The following SCAPER variants were observed in gnomAD, a reference collection of about 807,000 sequenced individuals.
SCAPER encodes the protein S-phase cyclin A associated protein in the ER, also known as S phase cyclin A-associated protein in the endoplasmic reticulum.
Under a neutral mutation model 182.2 loss-of-function variants are expected in SCAPER, and 98 were observed. The observed-to-expected ratio is 0.54, with a 90% CI of 0.46 to 0.64. The LOEUF (loss-of-function observed/expected upper bound fraction) is 0.64, where lower values mean the gene tolerates loss of function less well. Among genes scored for constraint, SCAPER ranks in the 30% least tolerant of loss-of-function variants. The probability of loss-of-function intolerance (pLI) is 0.00; values close to 1 mark genes in which losing one functional copy is unlikely to be tolerated. For missense variants in SCAPER, 1,432 were observed against 1,690.0 expected, an observed-to-expected ratio of 0.85 and a Z score of 2.68; for synonymous variants, 605 against 564.6, an observed-to-expected ratio of 1.07 and a Z score of -1.01.
chr15:76,582,121 G>A (rs1372911983), intron 22 of SCAPER, among the ~76,000 whole-genome samples: 2 of 152,242 alleles, frequency 1.3e-5, no homozygotes, highest in African/African-American at 2.4e-5. Flanking sequence ...AATTGGACAA[G>A]AGAAAGAAAT....
intron 23 of SCAPER, among the ~76,000 whole-genome samples, chr15:76,518,435 G>A (rs1259171574): frequency 6.6e-6 from 1 of 152,160 alleles, no homozygotes; most frequent in Middle Eastern, 3.2e-3. Context: ...TGAGGCACAA[G>A]GAAAGTCAAG....
intron 3 of SCAPER, among the ~76,000 whole-genome samples, chr15:76,859,339 T>A (rs2071680899): frequency 6.6e-6 from 1 of 152,164 alleles, no homozygotes; most frequent in Non-Finnish European, 1.5e-5. Context: ...CAGAGCCACA[T>A]CCTTTAATTA....
At chr15:76,777,732 T>C (rs1053478956) in intron 8 of SCAPER, among the ~76,000 whole-genome samples, 8 of 152,096 alleles carry the variant, frequency 5.3e-5, no homozygotes, top group African/African-American at 1.7e-4. Context: ...CAAAGAAGGT[T>C]TGAAATTTCA....
intron 23 of SCAPER, among the ~76,000 whole-genome samples, chr15:76,512,863 CAGAA>C (rs1567316682): frequency 7.2e-5 from 4 of 55,634 alleles, no homozygotes; most frequent in Non-Finnish European, 1.0e-4. Flanking sequence ...GCAGCTTTTC[CAGAA>C]AAAAAAAAAA....
chr15:76,868,456 G>T (rs1409241291), intron 2 of SCAPER, among the ~76,000 whole-genome samples: 1 of 151,530 alleles, frequency 6.6e-6, no homozygotes, highest in East Asian at 1.9e-4. Context: ...AACAAATTCA[G>T]TAAAGTTACA....
chr15:76,531,820 G>A (rs1158406558), intron 23 of SCAPER, among the ~76,000 whole-genome samples: 1 of 152,146 alleles, frequency 6.6e-6, no homozygotes, highest in Non-Finnish European at 1.5e-5. Context: ...CCAGTCTTCA[G>A]TAAAGTCAAT....
intron 5 of SCAPER, among the ~76,000 whole-genome samples, chr15:76,812,224 G>A (rs1204047600): frequency 2.0e-5 from 3 of 151,970 alleles, no homozygotes; most frequent in African/African-American, 4.8e-5. Flanking sequence ...TGAGGTGGGC[G>A]AATCATTTGA....
intron 20 of SCAPER, among the ~76,000 whole-genome samples, chr15:76,668,966 TTTA>T (rs2056820455): frequency 6.6e-6 from 1 of 152,172 alleles, no homozygotes; most frequent in Non-Finnish European, 1.5e-5. Context: ...GGTATATATT[TTTA>T]TTATCCTCAT....
intron 22 of SCAPER, among the ~76,000 whole-genome samples, chr15:76,585,922 G>A (rs1179972189): frequency 6.6e-6 from 1 of 152,164 alleles, no homozygotes; most frequent in African/African-American, 2.4e-5. Context: ...ACAACAGAAA[G>A]TTTTATTTGG....
At chr15:76,675,177 CAA>C (rs1402804538) in intron 20 of SCAPER, among the ~76,000 whole-genome samples, 2 of 152,110 alleles carry the variant, frequency 1.3e-5, no homozygotes, top group Non-Finnish European at 2.9e-5. Flanking sequence ...TAATAGTTTA[CAA>C]AAGAGTCATT....
chr15:76,882,147 C>T (rs544911755), intron 2 of SCAPER, among the ~76,000 whole-genome samples: 1 of 152,232 alleles, frequency 6.6e-6, no homozygotes, highest in South Asian at 2.1e-4. Flanking sequence ...GTAATCCCAG[C>T]CCTGTGGAAG....
At position 76,548,481 on chromosome 15, in the gene SCAPER, A is replaced by G. The variant is rs530126980; in HGVS notation, c.2838+25677T>C. On this transcript the variant is annotated intron_variant, in intron 23 of 31. Transcript: ENST00000563290. Reference sequence around the variant, plus strand: ...AAATAGAATGATGTTTTGTTTCCCAAGTTGATATAGTAGAGCAACGTGAAA... The same window carrying G: ...AAATAGAATGATGTTTTGTTTCCCAGGTTGATATAGTAGAGCAACGTGAAA... Among the ~76,000 whole-genome samples the G allele has an allele frequency of 3.5e-4, 54 of 152,336 alleles. 1 individual carries two copies. The South Asian group carries it at 0.011, about 30-fold the overall frequency.
Position 76,428,102 on chromosome 15 carries a change from A to G in SCAPER, c.3311+5976T>C, listed in dbSNP as rs498607. Among the ~76,000 whole-genome samples the G allele has an allele frequency of 6.6e-5, 10 of 152,282 alleles. No individual in the cohort carries two copies. The South Asian group carries it at 2.1e-3, about 32-fold the overall frequency. ...GCAACAGTGTCTCAAAAAACAAAAC[A>G]AAACAAAACAAAACAGATAAAACAA... On this transcript the variant is annotated intron_variant, in intron 26 of 31. Coordinates refer to ENST00000563290, the MANE Select transcript of SCAPER (RefSeq NM_020843.4).
At chr15:76,661,476 T>C (rs1025541314) in intron 21 of SCAPER, among the ~76,000 whole-genome samples, 5 of 151,970 alleles carry the variant, frequency 3.3e-5, no homozygotes, top group African/African-American at 1.2e-4. Flanking sequence ...CTTAAACAAA[T>C]TTACAAGAAA....
chr15:76,684,106 C>A (rs1227515013), intron 20 of SCAPER, among the ~76,000 whole-genome samples: 3 of 151,972 alleles, frequency 2.0e-5, no homozygotes, highest in Non-Finnish European at 4.4e-5. Context: ...CCAGCCTCCA[C>A]AAAAACACAC....
In SCAPER at chr15:76,434,186, C is replaced by T. The variant is rs754045128; in HGVS notation, c.3203G>A (p.Arg1068Gln). The change falls in exon 26 of 32, where the codon CGA (arginine) becomes CAA (glutamine). Residue 1068 changes from arginine to glutamine, a missense_variant. By Grantham distance (43) the Arg-to-Gln change is conservative (BLOSUM62 1). This residue lies in a region of SCAPER where 718 missense variants were observed against 799.7 expected (regional missense o/e 0.90). Coordinates refer to ENST00000563290, the MANE Select transcript of SCAPER (RefSeq NM_020843.4). ...AGCTGGCTGGCAGTTTCCATCTGGTCGATTGGCAATCAGGCAGCCCAAAAC... is the reference window on the plus strand; with the variant it reads ...AGCTGGCTGGCAGTTTCCATCTGGTTGATTGGCAATCAGGCAGCCCAAAAC... Reference protein sequence around the residue: ...AVVLGCLIANRPDGNCQPATP... With the variant: ...AVVLGCLIANQPDGNCQPATP... The T allele has an allele frequency of 2.0e-5, 32 of 1,613,640 alleles. No individual in the cohort carries two copies. The highest frequency in any genetic ancestry group is 8.0e-5 in the African/African-American group (6 of 74,822).
intron 24 of SCAPER, among the ~76,000 whole-genome samples, chr15:76,499,915 C>T (rs1038147841): frequency 2.6e-5 from 4 of 152,130 alleles, no homozygotes; most frequent in Admixed American, 2.6e-4. Context: ...GTGACAAAGA[C>T]TTAGGGATTT....
At chr15:76,454,037 T>C (rs1328170053) in intron 25 of SCAPER, among the ~76,000 whole-genome samples, 5 of 151,068 alleles carry the variant, frequency 3.3e-5, no homozygotes, top group Admixed American at 3.3e-4. Flanking sequence ...GCTAAGGCTA[T>C]GTCCTATTAT....
intron 5 of SCAPER, among the ~76,000 whole-genome samples, chr15:76,831,079 G>C (rs2151712138): frequency 6.6e-6 from 1 of 152,292 alleles, no homozygotes. Context: ...GGAGTTGGCA[G>C]AGAAAGAACT....
Sources: allele counts gnomAD v4.1 joint callset (sites outside exome capture counted in the v4.1 genomes callset), GRCh38; gene constraint gnomAD v4.1.1; regional missense constraint gnomAD v4.1.1; transcripts MANE v1.5; gene names NCBI Gene and HGNC (gene_info 2026-07-23, HGNC 2026-07-21).